The following ARB2A variants were observed in gnomAD, a reference collection of about 807,000 sequenced individuals.
The protein encoded by ARB2A is cotranscriptional regulator ARB2A.
the ARB2A span, among the ~76,000 whole-genome samples, chr5:94,087,263 T>A: frequency 6.6e-6 from 1 of 152,124 alleles, no homozygotes; most frequent in Non-Finnish European, 1.5e-5. Context: ...AAAAAGTTGA[T>A]GTGGCATGGT....
chr5:93,958,580 T>C, the ARB2A span, among the ~76,000 whole-genome samples: 236 of 152,214 alleles, frequency 1.6e-3, 1 homozygote, highest in Non-Finnish European at 2.4e-3. Flanking sequence ...TTTAAATCTT[T>C]GTATGCTCAA....
At chr5:93,741,626 C>T in the ARB2A span, 1 of 1,438,522 alleles carries the variant, frequency 7.0e-7, no homozygotes, top group Non-Finnish European at 9.1e-7. Flanking sequence ...TTCAGAACAG[C>T]CACCGGCCCC....
At chr5:93,708,887 T>G in the ARB2A span, among the ~76,000 whole-genome samples, 18 of 152,212 alleles carry the variant, frequency 1.2e-4, no homozygotes, top group Admixed American at 1.0e-3. Flanking sequence ...TAACTTGAAA[T>G]TTAAATTTAA....
chr5:93,968,596 T>C, the ARB2A span, among the ~76,000 whole-genome samples: 1 of 152,018 alleles, frequency 6.6e-6, no homozygotes, highest in Non-Finnish European at 1.5e-5. Flanking sequence ...GTGTAACTTA[T>C]GCATAATGAG....
chr5:93,766,036 T>G, the ARB2A span, among the ~76,000 whole-genome samples: 5 of 152,164 alleles, frequency 3.3e-5, no homozygotes, highest in Admixed American at 6.5e-5. Context: ...CAAAAATTAA[T>G]TCAAGATGCA....
chr5:93,913,854 T>C, the ARB2A span, among the ~76,000 whole-genome samples: 1 of 152,012 alleles, frequency 6.6e-6, no homozygotes, highest in Admixed American at 6.6e-5. Flanking sequence ...ATTATAGTGA[T>C]TAAACTATTA....
At chr5:93,629,958 C>G in the ARB2A span, among the ~76,000 whole-genome samples, 1 of 152,022 alleles carries the variant, frequency 6.6e-6, no homozygotes, top group South Asian at 2.1e-4. Flanking sequence ...ATATAACAAT[C>G]AGGAGATCTG....
chr5:93,741,769 C>G, the ARB2A span: 2 of 536,958 alleles, frequency 3.7e-6, no homozygotes, highest in Non-Finnish European at 3.2e-6. Context: ...CTACCCTGAC[C>G]TTTGCTTCCA....
the ARB2A span, among the ~76,000 whole-genome samples, chr5:94,093,149 C>T: frequency 6.6e-6 from 1 of 152,028 alleles, no homozygotes; most frequent in Non-Finnish European, 1.5e-5. Flanking sequence ...CCTTCTGATA[C>T]ATTTCTTCAA....
the ARB2A span, among the ~76,000 whole-genome samples, chr5:93,649,107 C>T: frequency 6.6e-6 from 1 of 152,180 alleles, no homozygotes; most frequent in East Asian, 1.9e-4. Context: ...CATATCTTTT[C>T]AGATTTTTTT....
At chr5:94,071,259 A>G in the ARB2A span, among the ~76,000 whole-genome samples, 1 of 152,108 alleles carries the variant, frequency 6.6e-6, no homozygotes, top group East Asian at 1.9e-4. Context: ...AAAATAGATC[A>G]TTAATTTAAA....
At chr5:93,783,600 A>G in the ARB2A span, among the ~76,000 whole-genome samples, 3 of 152,124 alleles carry the variant, frequency 2.0e-5, no homozygotes, top group Non-Finnish European at 2.9e-5. Flanking sequence ...CAGCTCATTC[A>G]TACTATATAA....
the ARB2A span, among the ~76,000 whole-genome samples, chr5:93,922,870 A>G: frequency 1.3e-5 from 2 of 152,192 alleles, no homozygotes; most frequent in African/African-American, 4.8e-5. Context: ...GGATCCTTCA[A>G]TGATATGGGC....
the ARB2A span, among the ~76,000 whole-genome samples, chr5:93,829,511 C>A: frequency 2.0e-5 from 3 of 152,116 alleles, no homozygotes; most frequent in South Asian, 4.2e-4. Flanking sequence ...CCTATTATTG[C>A]ACTGAGGAGC....
the ARB2A span, among the ~76,000 whole-genome samples, chr5:93,624,297 A>G: frequency 6.6e-6 from 1 of 152,182 alleles, no homozygotes; most frequent in African/African-American, 2.4e-5. Flanking sequence ...TTGAAGGGGA[A>G]AAACATGGTT....
the ARB2A span, among the ~76,000 whole-genome samples, chr5:93,999,362 G>T: frequency 2.0e-5 from 3 of 152,020 alleles, no homozygotes; most frequent in Admixed American, 2.0e-4. Context: ...AGCACTAGTT[G>T]TTCAGTAATC....
the ARB2A span, among the ~76,000 whole-genome samples, chr5:93,886,020 C>G: frequency 1.8e-4 from 27 of 151,744 alleles, no homozygotes; most frequent in African/African-American, 6.5e-4. Context: ...CAAATTATAT[C>G]AGTACAAAAA....
At chr5:94,074,734 G>C in the ARB2A span, 1 of 1,612,222 alleles carries the variant, frequency 6.2e-7, no homozygotes, top group Non-Finnish European at 8.5e-7. Context: ...AAATTAAAGA[G>C]CTCAAGGAAA....
chr5:93,786,004 A>T, the ARB2A span, among the ~76,000 whole-genome samples: 1 of 152,172 alleles, frequency 6.6e-6, no homozygotes, highest in African/African-American at 2.4e-5. Flanking sequence ...CTGGCTTATG[A>T]AGAAATTATA....
Sources: gnomAD v4.1 joint callset for allele counts (sites outside exome capture counted in the v4.1 genomes callset) on GRCh38, gnomAD v4.1.1 for gene constraint, MANE v1.5 for transcripts, NCBI Gene and HGNC (gene_info 2026-07-23, HGNC 2026-07-21) for gene names.